Variants in CNTN3 observed in about 807,000 individuals in gnomAD.
CNTN3 encodes contactin 3.
Under a neutral mutation model 119.1 loss-of-function variants are expected in CNTN3, and 60 were observed. That is an observed-to-expected ratio of 0.50 (90% confidence interval 0.41 to 0.62). CNTN3 has a LOEUF of 0.62. Ranked by LOEUF, CNTN3 falls within the 20% of genes least tolerant of loss-of-function variation. CNTN3 has a pLI of 0.00. For missense variants in CNTN3, 1,101 were observed against 1,242.4 expected (o/e 0.89, Z 1.71); for synonymous variants, 450 against 438.7 (o/e 1.03, Z -0.32).
intron 2 of CNTN3, among the ~76,000 whole-genome samples, chr3:74,517,857 GC>G (rs1315093655): frequency 2.0e-5 from 3 of 151,818 alleles, no homozygotes; most frequent in Admixed American, 6.6e-5. Context: ...CTGATCTCCT[GC>G]AATGATACCC....
chr3:74,508,121 T>G (rs964964755), intron 2 of CNTN3, among the ~76,000 whole-genome samples: 2 of 152,132 alleles, frequency 1.3e-5, no homozygotes, highest in African/African-American at 4.8e-5. Context: ...CCCCATGTGT[T>G]GAGGTAACTG....
At chr3:74,563,022 G>A (rs1156428853) in intron 1 of CNTN3, among the ~76,000 whole-genome samples, 1 of 152,124 alleles carries the variant, frequency 6.6e-6, no homozygotes. Flanking sequence ...TAGATTGCCT[G>A]ATTAGCTCAA....
chr3:74,384,501 C>T (rs1704699271), intron 5 of CNTN3, among the ~76,000 whole-genome samples: 1 of 152,212 alleles, frequency 6.6e-6, no homozygotes, highest in Non-Finnish European at 1.5e-5. Flanking sequence ...GATACAAATG[C>T]TCATTGATTC....
intron 1 of CNTN3, among the ~76,000 whole-genome samples, chr3:74,572,946 C>T (rs1455289348): frequency 6.6e-6 from 1 of 152,162 alleles, no homozygotes. Context: ...CCGGGCAGTG[C>T]CATCTTTAAA....
intron 4 of CNTN3, among the ~76,000 whole-genome samples, chr3:74,464,133 C>T (rs1464830561): frequency 1.3e-5 from 2 of 152,042 alleles, no homozygotes; most frequent in Non-Finnish European, 2.9e-5. Context: ...AGCTCCCCTC[C>T]TACAATCTGT....
intron 1 of CNTN3, among the ~76,000 whole-genome samples, chr3:74,544,694 G>A (rs1703889409): frequency 6.6e-6 from 1 of 152,130 alleles, no homozygotes; most frequent in Non-Finnish European, 1.5e-5. Context: ...CACCTCCCAG[G>A]TTCAAGCGAT....
intron 20 of CNTN3, among the ~76,000 whole-genome samples, chr3:74,280,839 A>C (rs750640603): frequency 6.6e-6 from 1 of 152,212 alleles, no homozygotes; most frequent in Non-Finnish European, 1.5e-5. Flanking sequence ...CATGAGATAC[A>C]GTACATGTGG....
At chr3:74,283,754 T>C (rs1192727073) in intron 20 of CNTN3, among the ~76,000 whole-genome samples, 1 of 152,168 alleles carries the variant, frequency 6.6e-6, no homozygotes, top group Admixed American at 6.5e-5. Context: ...ACCATATTGA[T>C]TCAGTAAGAA....
At chr3:74,322,669 A>T (rs1703025074) in intron 13 of CNTN3, among the ~76,000 whole-genome samples, 1 of 152,224 alleles carries the variant, frequency 6.6e-6, no homozygotes, top group Non-Finnish European at 1.5e-5. Flanking sequence ...CTGAAAACTT[A>T]TGTCCAATAA....
chr3:74,604,054 A>G (rs545219169), intron 1 of CNTN3, among the ~76,000 whole-genome samples: 2 of 152,156 alleles, frequency 1.3e-5, no homozygotes, highest in Non-Finnish European at 2.9e-5. Context: ...TGCCAAGAAC[A>G]CATAATGAAG....
chr3:74,544,764 A>AT (rs1703890770), intron 1 of CNTN3, among the ~76,000 whole-genome samples: 1 of 151,846 alleles, frequency 6.6e-6, no homozygotes, highest in African/African-American at 2.4e-5. Flanking sequence ...ACATCTGGCA[A>AT]TTTTTTTGTA....
Position 74,499,869 on chromosome 3 carries a change from G to A in CNTN3, c.56-84C>T, listed in dbSNP as rs923572550. 47 of 1,382,736 alleles carry A rather than the reference G, an allele frequency of 3.4e-5. No individual in the cohort carries two copies. The Admixed American group carries it at 6.4e-4, about 19-fold the overall frequency. 85.7% of individuals were successfully genotyped at this position (1,382,736 alleles called of 1,614,324 possible). A position where few individuals can be genotyped will look rare whatever the true frequency, so the allele number is the denominator to read the frequency against. Reference sequence around the variant, plus strand: ...ACATTCCAGTATTGAAGAAAACAAGGAACTAAAAATTCTAGTACTGCTCCA... The same window carrying A: ...ACATTCCAGTATTGAAGAAAACAAGAAACTAAAAATTCTAGTACTGCTCCA... On this transcript the variant is annotated intron_variant, in intron 2 of 22. Transcript: ENST00000263665.
intron 1 of CNTN3, among the ~76,000 whole-genome samples, chr3:74,606,978 C>G (rs1011031279): frequency 6.6e-6 from 1 of 152,068 alleles, no homozygotes; most frequent in African/African-American, 2.4e-5. Context: ...TTTATGTACT[C>G]CAATGAATAA....
At chr3:74,348,473 C>T (rs1157669342) in intron 11 of CNTN3, among the ~76,000 whole-genome samples, 1 of 152,122 alleles carries the variant, frequency 6.6e-6, no homozygotes, top group East Asian at 1.9e-4. Context: ...ATTCAGCTTC[C>T]ACCTTGCTAG....
At chr3:74,433,424 G>T (rs138732610) in intron 4 of CNTN3, among the ~76,000 whole-genome samples, 2 of 152,288 alleles carry the variant, frequency 1.3e-5, no homozygotes, top group African/African-American at 2.4e-5. Context: ...GGTGTGCATT[G>T]TAAGTCTCCA....
intron 1 of CNTN3, among the ~76,000 whole-genome samples, chr3:74,551,528 C>A (rs1312011771): frequency 6.6e-6 from 1 of 151,958 alleles, no homozygotes; most frequent in Non-Finnish European, 1.5e-5. Flanking sequence ...TCTCGGTGTC[C>A]TACATTCTAT....
chr3:74,374,791 C>G (rs761843440), intron 5 of CNTN3, among the ~76,000 whole-genome samples: 1 of 152,122 alleles, frequency 6.6e-6, no homozygotes, highest in Non-Finnish European at 1.5e-5. Flanking sequence ...GAAGCTTCTG[C>G]TTTGTAGAAG....
rs6771163 is a variant in CNTN3, at chr3:74,561,030, A to T, written c.-80-39838T>A. ...ATCATACACCGGGACCTGTTGTGGG[A>T]TGGGGGGAGGGGGGAGGGATAGCAT... On this transcript the variant is annotated intron_variant, in intron 1 of 22. Coordinates refer to ENST00000263665, the MANE Select transcript of CNTN3 (RefSeq NM_020872.3). 7.7e-5 allele frequency among the ~76,000 whole-genome samples: 8 copies of T among 104,358 alleles called. 1 individual carries two copies. The South Asian group carries it at 3.6e-3, about 47-fold the overall frequency. The allele number at this position is 104,358 out of a possible 152,430, so 68.5% of individuals were successfully genotyped here. A position where few individuals can be genotyped will look rare whatever the true frequency, so the allele number is the denominator to read the frequency against.
At chr3:74,372,160 T>C (rs1704356892) in intron 5 of CNTN3, among the ~76,000 whole-genome samples, 1 of 152,108 alleles carries the variant, frequency 6.6e-6, no homozygotes, top group African/African-American at 2.4e-5. Flanking sequence ...TGTCCTCCTA[T>C]CACTTGTTAA....
Sources: gnomAD v4.1 joint callset for allele counts (sites outside exome capture counted in the v4.1 genomes callset) on GRCh38, gnomAD v4.1.1 for gene constraint, MANE v1.5 for transcripts, NCBI Gene and HGNC (gene_info 2026-07-23, HGNC 2026-07-21) for gene names.